Variants in PIP5K1C observed in about 807,000 individuals in gnomAD.
The protein encoded by PIP5K1C is phosphatidylinositol-4-phosphate 5-kinase type 1 gamma.
A neutral mutation model predicts 80.1 loss-of-function variants in PIP5K1C; 45 were observed. The observed-to-expected ratio is 0.56, with a 90% confidence interval of 0.44 to 0.72. The LOEUF (loss-of-function observed/expected upper bound fraction) is 0.72, where lower values mean the gene tolerates loss of function less well. PIP5K1C is among the 30% of genes least tolerant of loss of function. PIP5K1C has a pLI of 0.00. For synonymous variants in PIP5K1C, 498 were observed against 420.1 expected, an observed-to-expected ratio of 1.19 and a Z score of -2.27; for missense variants, 753 against 954.6, an observed-to-expected ratio of 0.79 and a Z score of 2.78.
At chr19:3,664,730 G>T in intron 3 of PIP5K1C, 92 bp downstream of exon 3, 1 of 1,090,332 alleles carries the variant, frequency 9.2e-7, no homozygotes. Flanking sequence ...GTTTGTGTCG[G>T]GGGCGATAGG....
chr19:3,633,212 C>T (rs756938847), intron 17 of PIP5K1C, 43 bp from the exon 18 acceptor site: 14 of 749,654 alleles, frequency 1.9e-5, no homozygotes, highest in Non-Finnish European at 3.2e-5. Flanking sequence ...GGGGCGAGGG[C>T]CCACCCCAGG....
chr19:3,663,519 G>C (rs996771050), intron 3 of PIP5K1C, among the ~76,000 whole-genome samples: 2 of 152,194 alleles, frequency 1.3e-5, no homozygotes, highest in African/African-American at 4.8e-5. Context: ...TGGGCACCAA[G>C]GGAAAGCACA....
chr19:3,658,966 T>G (rs2034737418), intron 5 of PIP5K1C, among the ~76,000 whole-genome samples: 1 of 152,000 alleles, frequency 6.6e-6, no homozygotes, highest in Non-Finnish European at 1.5e-5. Context: ...GACCTTGGCC[T>G]CCTCTCCACC....
At chr19:3,646,514 A>T (rs1276588639) in intron 10 of PIP5K1C, among the ~76,000 whole-genome samples, 1 of 152,106 alleles carries the variant, frequency 6.6e-6, no homozygotes, top group Non-Finnish European at 1.5e-5. Flanking sequence ...CGCAGGCTGC[A>T]GTGGGAGGTG....
chr19:3,700,203 G>T, intron 1 of PIP5K1C, 94 bp downstream of exon 1: 2 of 695,416 alleles, frequency 2.9e-6, no homozygotes, highest in South Asian at 6.5e-5. Flanking sequence ...CCCCCGCAGC[G>T]ACCGTGCAGC....
chr19:3,661,892 A>G lies in PIP5K1C; in HGVS notation c.329T>C (p.Val110Ala). ...CCACCTGGGGAAGAAGATGCTCTCC[A>G]CCACGTAGAAGTCCTGCATGAGCAC... ...RDVLMQDFYV[V>A]ESIFFPSEGS... The change falls in exon 4 of 18, where the codon GTG (valine) becomes GCG (alanine). Residue 110 changes from valine (V) to alanine (A), a missense_variant. By Grantham distance (64) the Val-to-Ala change is moderately conservative. Transcript: ENST00000335312. The G allele has an allele frequency of 6.2e-7, 1 of 1,612,718 alleles. No individual in the cohort carries two copies. The highest frequency in any genetic ancestry group is 2.2e-5 in the East Asian group (1 of 44,882).
intron 11 of PIP5K1C, among the ~76,000 whole-genome samples, chr19:3,645,438 G>C (rs1405758749): frequency 1.3e-5 from 2 of 152,228 alleles, no homozygotes; most frequent in Admixed American, 1.3e-4. Context: ...TGAGCCCTGA[G>C]AGATGGGGAC....
Position 3,689,840 on chromosome 19 carries a change from C to A in PIP5K1C, c.94+10457G>T, listed in dbSNP as rs571137452. 6.1e-4 allele frequency among the ~76,000 whole-genome samples: 93 copies of A among 152,166 alleles called. 2 individuals are homozygous for A. The South Asian group carries it at 0.019, about 31-fold the overall frequency. ...ACAAACTTGCACACACTAACGTACA[C>A]TCCCCCCCCACACACAGAATGATAA... On this transcript the variant is annotated intron_variant, in intron 1 of 17. Coordinates refer to ENST00000335312, the MANE Select transcript of PIP5K1C (RefSeq NM_012398.3).
In PIP5K1C at chr19:3,641,713, C is replaced by G. The variant is rs2033967152; in HGVS notation, c.1779G>C (p.Glu593Asp). The change falls in exon 15 of 18, where the codon GAG becomes GAC. Residue 593 changes from glutamate (E) to aspartate (D), a missense_variant. Glu to Asp is a conservative substitution (Grantham distance 45). Transcript: ENST00000335312. ...CSVEIVVPKEEDAGVEASPAG... is the reference protein window; with the variant it reads ...CSVEIVVPKEDDAGVEASPAG... ...GCCGAGGCCGTGCTCACCCTGCGTCCTCCTCTTTGGGGACCACAATCTCCA... is the reference window on the plus strand; with the variant it reads ...GCCGAGGCCGTGCTCACCCTGCGTCGTCCTCTTTGGGGACCACAATCTCCA... 2 of 1,608,144 alleles carry G rather than the reference C, an allele frequency of 1.2e-6. No individual in the cohort carries two copies. Among genetic ancestry groups the G allele is most frequent in the African/African-American group, 1.3e-5 (1 of 75,026 alleles).
chr19:3,654,762 C>T (rs1471947581), intron 6 of PIP5K1C, among the ~76,000 whole-genome samples: 5 of 149,468 alleles, frequency 3.3e-5, no homozygotes, highest in Non-Finnish European at 5.9e-5. Flanking sequence ...TGCAGTGAGC[C>T]GAGATTGTGC....
intron 16 of PIP5K1C, among the ~76,000 whole-genome samples, chr19:3,634,254 G>A (rs1335359848): frequency 2.6e-5 from 4 of 152,064 alleles, no homozygotes; most frequent in East Asian, 3.9e-4. Flanking sequence ...GGGAGGGTGC[G>A]TTCCTCCAAC....
intron 1 of PIP5K1C, among the ~76,000 whole-genome samples, chr19:3,697,403 G>A (rs747747351): frequency 5.0e-4 from 74 of 148,312 alleles, no homozygotes; most frequent in Admixed American, 3.4e-3. Flanking sequence ...GAGCTGGACC[G>A]GGGAGTACTC....
At chr19:3,695,979 C>T (rs922493197) in intron 1 of PIP5K1C, among the ~76,000 whole-genome samples, 1 of 152,184 alleles carries the variant, frequency 6.6e-6, no homozygotes, top group East Asian at 1.9e-4. Context: ...GATCCTCCTG[C>T]TTCAGCCTCC....
At chr19:3,645,425 A>C (rs928590283) in intron 11 of PIP5K1C, among the ~76,000 whole-genome samples, 1 of 152,202 alleles carries the variant, frequency 6.6e-6, no homozygotes, top group Non-Finnish European at 1.5e-5. Context: ...CATGAGGGGA[A>C]GCTGAGCCCT....
chr19:3,646,302 A>C (rs1356153921), intron 10 of PIP5K1C, among the ~76,000 whole-genome samples: 1 of 152,108 alleles, frequency 6.6e-6, no homozygotes, highest in African/African-American at 2.4e-5. Context: ...ACCTGTTAGC[A>C]TTTTTGACTT....
chr19:3,671,923 G>C (rs2035218837), intron 1 of PIP5K1C, among the ~76,000 whole-genome samples: 2 of 152,246 alleles, frequency 1.3e-5, no homozygotes, highest in Non-Finnish European at 2.9e-5. Flanking sequence ...AGGAAATTAG[G>C]TTTTAAAAAT....
intron 1 of PIP5K1C, among the ~76,000 whole-genome samples, chr19:3,671,436 CA>C (rs1166989450): frequency 6.6e-6 from 1 of 152,258 alleles, no homozygotes; most frequent in African/African-American, 2.4e-5. Flanking sequence ...TCTGTGGTTC[CA>C]CGTCTTCACC....
chr19:3,659,857 C>G (rs1319926321), intron 5 of PIP5K1C, among the ~76,000 whole-genome samples: 1 of 152,128 alleles, frequency 6.6e-6, no homozygotes, highest in Non-Finnish European at 1.5e-5. Flanking sequence ...AAGAAAGGCA[C>G]AAGGAACCGA....
chr19:3,688,496 G>T lies in PIP5K1C; in HGVS notation c.94+11801C>A, dbSNP rs888480682. ...GGCACACACGTCCCCAGGCAGCTCC[G>T]GTGAGGCCACCCTCGCCCCCTGGTT... On this transcript the variant is annotated intron_variant, in intron 1 of 17. Transcript: ENST00000335312. The surrounding 1 kb of genome is among the most constrained non-coding windows in gnomAD (Gnocchi z 5.3). 6.6e-6 allele frequency among the ~76,000 whole-genome samples: 1 copy of T among 152,136 alleles called. No homozygotes were observed. The highest frequency in any genetic ancestry group is 1.5e-5 in the Non-Finnish European group (1 of 68,006).
Sources: allele counts gnomAD v4.1 joint callset (sites outside exome capture counted in the v4.1 genomes callset), GRCh38; gene constraint gnomAD v4.1.1; non-coding constraint Gnocchi (gnomAD v3.1); transcripts MANE v1.5; gene names NCBI Gene and HGNC (gene_info 2026-07-23, HGNC 2026-07-21).